COL5A2: variants seen among roughly 807,000 people sequenced by gnomAD.
COL5A2 encodes the protein collagen type V alpha 2 chain, also known as collagen alpha-2(V) chain.
COL5A2 carries 23 observed loss-of-function variants against 208.2 expected under a neutral mutation model. That is an observed-to-expected ratio of 0.11 (90% CI 0.08 to 0.16). COL5A2 has a LOEUF of 0.16. COL5A2 is among the 10% of genes least tolerant of loss of function. The pLI is 1.00. For synonymous variants in COL5A2, 625 were observed against 628.5 expected (o/e 0.99, Z 0.08); for missense variants, 1,590 against 1,956.4 (o/e 0.81, Z 3.53).
At chr2:189,359,254 T>A in the COL5A2 span, among the ~76,000 whole-genome samples, 21 of 152,144 alleles carry the variant, frequency 1.4e-4, no homozygotes, top group African/African-American at 4.6e-4. Flanking sequence ...TTCTTCTATA[T>A]CTAATTTGCT....
intron 52 of COL5A2, among the ~76,000 whole-genome samples, 171 bp downstream of exon 52, chr2:189,036,445 C>T (rs985185531): frequency 6.6e-6 from 1 of 151,914 alleles, no homozygotes; most frequent in Non-Finnish European, 1.5e-5. Context: ...ATAGCAAAAC[C>T]TTGTTTATGC....
At chr2:189,144,666 C>T (rs914389150) in intron 1 of COL5A2, among the ~76,000 whole-genome samples, 1 of 151,522 alleles carries the variant, frequency 6.6e-6, no homozygotes, top group African/African-American at 2.4e-5. Context: ...TTTTTTAATC[C>T]TAATGAACTG....
At chr2:189,196,290 C>T (rs1689000044) in intron 1 of COL5A2, among the ~76,000 whole-genome samples, 1 of 151,048 alleles carries the variant, frequency 6.6e-6, no homozygotes, top group Non-Finnish European at 1.5e-5. Context: ...CTTTTTCCCT[C>T]ATTATGTATT....
Position 189,068,902 on chromosome 2 carries a change from G to A in COL5A2, c.1159-18C>T, listed in dbSNP as rs749321252. 2.6e-6 allele frequency: 4 copies of A among 1,538,982 alleles called. No homozygotes were observed. The highest frequency in any genetic ancestry group is 3.6e-6 in the Non-Finnish European group (4 of 1,112,536). ...GCTTCTCCCTAAAAGGGTGCAAAGGGAAATGTTAATTTAAGAAAAATACGA... is the reference window on the plus strand; with the variant it reads ...GCTTCTCCCTAAAAGGGTGCAAAGGAAAATGTTAATTTAAGAAAAATACGA... On this transcript the variant is annotated intron_variant, in intron 18 of 53. Coordinates refer to ENST00000374866, the MANE Select transcript of COL5A2 (RefSeq NM_000393.5).
rs72902374 is a variant in COL5A2, at chr2:189,051,647, G to C, written c.2770-166C>G. Among the ~76,000 whole-genome samples the C allele has an allele frequency of 1.2e-3, 140 of 119,248 alleles. 1 individual carries two copies. The South Asian group carries it at 0.035, about 30-fold the overall frequency. The allele number at this position is 119,248 out of a possible 152,430, so 78.2% of individuals were successfully genotyped here. A position where few individuals can be genotyped will look rare whatever the true frequency, so the allele number is the denominator to read the frequency against. ...AGGATTTAAACAAAACAAAACAAAA[G>C]AAAACACAGCTGTAGATTCATTCCC... On this transcript the variant is annotated intron_variant, in intron 41 of 53. Coordinates refer to ENST00000374866, the MANE Select transcript of COL5A2 (RefSeq NM_000393.5).
At chr2:189,186,555 A>G (rs1296214554) in intron 1 of COL5A2, among the ~76,000 whole-genome samples, 1 of 152,200 alleles carries the variant, frequency 6.6e-6, no homozygotes, top group Non-Finnish European at 1.5e-5. Context: ...AAAAAAACTA[A>G]TTTGCATCAA....
chr2:189,422,313 A>C, the COL5A2 span, among the ~76,000 whole-genome samples: 1 of 152,168 alleles, frequency 6.6e-6, no homozygotes, highest in Non-Finnish European at 1.5e-5. Context: ...AAGTGACCAG[A>C]ATGAAAAATT....
At chr2:189,199,415 T>G (rs1486733612) in intron 1 of COL5A2, among the ~76,000 whole-genome samples, 1 of 152,118 alleles carries the variant, frequency 6.6e-6, no homozygotes, top group Admixed American at 6.5e-5. Flanking sequence ...TAGAGGGAAA[T>G]AAAGCATTTA....
At chr2:189,276,782 TG>T in the COL5A2 span, among the ~76,000 whole-genome samples, 1 of 152,190 alleles carries the variant, frequency 6.6e-6, no homozygotes, top group Non-Finnish European at 1.5e-5. Flanking sequence ...TCTTTTGCAA[TG>T]ATGTATTATT....
exon 1 of COL5A2, among the ~76,000 whole-genome samples, chr2:189,225,154 T>C (rs1689397471): frequency 6.6e-6 from 1 of 152,190 alleles, no homozygotes; most frequent in Admixed American, 6.6e-5. Flanking sequence ...ATACCACCAG[T>C]GGCTCGATGT....
At chr2:189,129,546 T>G (rs1465289574) in intron 1 of COL5A2, among the ~76,000 whole-genome samples, 1 of 152,020 alleles carries the variant, frequency 6.6e-6, no homozygotes, top group Non-Finnish European at 1.5e-5. Flanking sequence ...TCTTTTAAAA[T>G]CTCTCTTTTA....
the COL5A2 span, among the ~76,000 whole-genome samples, chr2:189,365,916 G>A: frequency 1.3e-5 from 2 of 152,174 alleles, no homozygotes; most frequent in African/African-American, 4.8e-5. Flanking sequence ...ACACATATCT[G>A]AAAAGTGCAT....
the COL5A2 span, among the ~76,000 whole-genome samples, chr2:189,385,833 C>T: frequency 2.0e-5 from 3 of 151,996 alleles, no homozygotes; most frequent in Non-Finnish European, 1.5e-5. Flanking sequence ...ACAATAAGTA[C>T]CAGGTAGACA....
intron 1 of COL5A2, among the ~76,000 whole-genome samples, chr2:189,130,110 G>C (rs749579151): frequency 6.6e-6 from 1 of 151,976 alleles, no homozygotes; most frequent in Admixed American, 6.6e-5. Context: ...ATAGGGCAAC[G>C]GACAAACACA....
At position 189,039,576 on chromosome 2, in the gene COL5A2, A is replaced by G; in HGVS notation, c.3634-13T>C. 9 of 1,611,686 alleles carry G rather than the reference A, an allele frequency of 5.6e-6. No homozygotes were observed. Among genetic ancestry groups the G allele is most frequent in the Non-Finnish European group, 7.6e-6 (9 of 1,179,616 alleles). On this transcript the variant is annotated splice_polypyrimidine_tract_variant and intron_variant, in intron 50 of 53. Coordinates refer to ENST00000374866, the MANE Select transcript of COL5A2 (RefSeq NM_000393.5). ...CACCAGGAGGGCCCTAATTAAAAAGAGATTGGAAAGACATTTAACACATTG... is the reference window on the plus strand; with the variant it reads ...CACCAGGAGGGCCCTAATTAAAAAGGGATTGGAAAGACATTTAACACATTG...
intron 1 of COL5A2, among the ~76,000 whole-genome samples, chr2:189,122,969 ATT>A (rs11344015): frequency 7.3e-5 from 11 of 150,040 alleles, no homozygotes; most frequent in Non-Finnish European, 1.3e-4. Flanking sequence ...AAAGTATTTA[ATT>A]TTTTTTTTTT....
chr2:189,078,658 C>G, intron 15 of COL5A2, 89 bp from the exon 16 acceptor site: 1 of 1,069,974 alleles, frequency 9.3e-7, no homozygotes, highest in Non-Finnish European at 1.5e-6. Flanking sequence ...AATTGAGATT[C>G]AAGATAATTG....
In COL5A2 at chr2:189,080,005, T is replaced by A; in HGVS notation, c.933A>T (p.Lys311Asn). The change falls in exon 14 of 54, where the codon AAA becomes AAT. Residue 311 changes from lysine to asparagine, a missense_variant. Transcript: ENST00000374866. ...HRGHKGLEGP[K>N]GEVGAPGSKG... ...TGGAACCAGGTGCTCCAACTTCACC[T>A]TTAGGGCCTTCAAGACCTTTGTGTC... 1 of 1,613,062 alleles carries A rather than the reference T, an allele frequency of 6.2e-7. No individual in the cohort carries two copies. Among genetic ancestry groups the A allele is most frequent in the Non-Finnish European group, 8.5e-7 (1 of 1,179,152 alleles).
chr2:189,396,333 G>C, the COL5A2 span, among the ~76,000 whole-genome samples: 5 of 152,146 alleles, frequency 3.3e-5, no homozygotes, highest in African/African-American at 1.2e-4. Context: ...GCTTTAAAAT[G>C]TAATGCCTTC....
Sources: allele counts gnomAD v4.1 joint callset (sites outside exome capture counted in the v4.1 genomes callset), GRCh38; gene constraint gnomAD v4.1.1; transcripts MANE v1.5; gene names NCBI Gene and HGNC (gene_info 2026-07-23, HGNC 2026-07-21).